Variants in CPPED1 observed in about 807,000 individuals in gnomAD.
CPPED1 encodes the protein calcineurin like phosphoesterase domain containing 1, also known as serine/threonine-protein phosphatase CPPED1.
A neutral mutation model predicts 28.0 loss-of-function variants in CPPED1; 28 were observed. The ratio of observed to expected loss-of-function variants is 1.00; its 90% CI spans 0.74 to 1.37. CPPED1 has a LOEUF of 1.37. CPPED1 is among the 40% of genes most tolerant of loss of function. The probability of loss-of-function intolerance (pLI) is 0.00; values close to 1 mark genes in which losing one functional copy is unlikely to be tolerated. For missense variants in CPPED1, 504 were observed against 416.5 expected, an observed-to-expected ratio of 1.21 and a Z score of -1.83; for synonymous variants, 198 against 180.2, an observed-to-expected ratio of 1.10 and a Z score of -0.79.
Position 12,692,099 on chromosome 16 carries a change from C to T in CPPED1, c.715+12525G>A, listed in dbSNP as rs541843348. 4.6e-5 allele frequency among the ~76,000 whole-genome samples: 7 copies of T among 152,238 alleles called. 1 individual carries two copies. The South Asian group carries it at 1.2e-3, about 27-fold the overall frequency. ...GAACTCCTGACCTCAAGTGATCTGC[C>T]TGCCTCGGCCTCCCAAAGTGCTAGG... is the stretch of plus-strand genomic sequence containing the variant. On this transcript the variant is annotated intron_variant, in intron 3 of 3. Coordinates refer to ENST00000381774, the MANE Select transcript of CPPED1 (RefSeq NM_018340.3).
intron 2 of CPPED1, among the ~76,000 whole-genome samples, chr16:12,759,077 C>T (rs746789655): frequency 6.9e-5 from 10 of 145,208 alleles, no homozygotes; most frequent in Non-Finnish European, 1.5e-4. Flanking sequence ...GTAGCAGGAT[C>T]ACTTGAGCCC....
chr16:12,741,084 G>A (rs1306117831), intron 2 of CPPED1, among the ~76,000 whole-genome samples: 4 of 152,224 alleles, frequency 2.6e-5, no homozygotes, highest in East Asian at 1.9e-4. Context: ...AAAACTGCCC[G>A]ACATAGCAAT....
At chr16:12,719,385 C>T (rs1406308984) in intron 2 of CPPED1, among the ~76,000 whole-genome samples, 12 of 145,740 alleles carry the variant, frequency 8.2e-5, no homozygotes, top group East Asian at 2.0e-4. Flanking sequence ...AGCGAGACTG[C>T]GTCTCAAAAA....
At chr16:12,725,847 T>G (rs1332780095) in intron 2 of CPPED1, among the ~76,000 whole-genome samples, 3 of 152,170 alleles carry the variant, frequency 2.0e-5, no homozygotes, top group Non-Finnish European at 4.4e-5. Flanking sequence ...CCTCTGTCAC[T>G]TTGACACCAC....
At chr16:12,720,905 T>C (rs2080136582) in intron 2 of CPPED1, among the ~76,000 whole-genome samples, 1 of 152,234 alleles carries the variant, frequency 6.6e-6, no homozygotes, top group East Asian at 1.9e-4. Flanking sequence ...TTAAACTGTT[T>C]TGGCATGGGG....
intron 2 of CPPED1, among the ~76,000 whole-genome samples, chr16:12,754,188 T>C (rs996690565): frequency 2.6e-5 from 4 of 152,134 alleles, no homozygotes; most frequent in Non-Finnish European, 4.4e-5. Flanking sequence ...ACCCACCCAT[T>C]TGAGGGTTTA....
At chr16:12,698,966 G>C (rs2080006396) in intron 3 of CPPED1, among the ~76,000 whole-genome samples, 1 of 152,134 alleles carries the variant, frequency 6.6e-6, no homozygotes, top group Non-Finnish European at 1.5e-5. Context: ...AAGGTATCGA[G>C]ACATCAAGGG....
At chr16:12,802,785 G>A (rs1163175091) in intron 1 of CPPED1, among the ~76,000 whole-genome samples, 1 of 152,194 alleles carries the variant, frequency 6.6e-6, no homozygotes, top group Non-Finnish European at 1.5e-5. Context: ...GGGAAAGAAC[G>A]GCCTTGGCCC....
At chr16:12,739,378 A>T (rs1316227870) in intron 2 of CPPED1, among the ~76,000 whole-genome samples, 2 of 152,046 alleles carry the variant, frequency 1.3e-5, no homozygotes, top group Admixed American at 6.5e-5. Flanking sequence ...TCAGGAGTTC[A>T]AGACCAGGTT....
intron 2 of CPPED1, among the ~76,000 whole-genome samples, chr16:12,752,723 G>A (rs1324188480): frequency 6.8e-6 from 1 of 147,048 alleles, no homozygotes; most frequent in African/African-American, 2.5e-5. Flanking sequence ...AAAATGAAGT[G>A]CTTTCAAAAA....
intron 1 of CPPED1, among the ~76,000 whole-genome samples, chr16:12,787,045 C>A (rs570527012): frequency 6.6e-6 from 1 of 152,250 alleles, no homozygotes; most frequent in Admixed American, 6.5e-5. Flanking sequence ...CCCATACGTA[C>A]ACACACACAT....
intron 2 of CPPED1, among the ~76,000 whole-genome samples, chr16:12,710,739 C>T (rs1178455811): frequency 6.6e-6 from 1 of 152,082 alleles, no homozygotes; most frequent in Non-Finnish European, 1.5e-5. Context: ...TAAAAAGGTG[C>T]CCAACACGAC....
intron 2 of CPPED1, among the ~76,000 whole-genome samples, chr16:12,731,155 A>AT (rs36018134): frequency 0.051 from 7,026 of 136,966 alleles, 589 homozygotes; most frequent in African/African-American, 0.18. Context: ...AAAAAAAAAA[A>AT]TTTTTTTTTT....
rs2079813223 is a variant in CPPED1 at position 12,664,393 on chromosome 16, C to G, written c.*493G>C. 5 of 1,006,208 alleles carry G rather than the reference C, an allele frequency of 5.0e-6. No individual in the cohort carries two copies. Among genetic ancestry groups the G allele is most frequent in the Non-Finnish European group, 5.9e-6 (5 of 844,458 alleles). The allele number at this position is 1,006,208 out of a possible 1,614,324, so 62.3% of individuals were successfully genotyped here. On this transcript the variant is annotated 3_prime_UTR_variant, in exon 4 of 4. Transcript: ENST00000381774. The surrounding 1 kb of genome is among the most constrained non-coding windows in gnomAD (Gnocchi z 4.2). ...TGCATGGCTCTCACAACAAGGGAGA[C>G]AGCTGTTCGTTCCGCTGGAAAGGAA...
intron 1 of CPPED1, among the ~76,000 whole-genome samples, chr16:12,793,122 T>G (rs1223531956): frequency 6.6e-6 from 1 of 152,176 alleles, no homozygotes; most frequent in Admixed American, 6.5e-5. Context: ...GGTTGGACAT[T>G]CAACAGTGAG....
chr16:12,790,912 C>G (rs2080592198), intron 1 of CPPED1, among the ~76,000 whole-genome samples: 1 of 108,836 alleles, frequency 9.2e-6, no homozygotes, highest in Admixed American at 1.2e-4. Context: ...GAGCAAGACT[C>G]TATCTCAAAA....
rs1371435756 is a variant in CPPED1 at position 12,662,278 on chromosome 16, T to G, written c.*2608A>C. 1 of 152,240 alleles carries G rather than the reference T, an allele frequency of 6.6e-6. No individual in the cohort carries two copies. Among genetic ancestry groups the G allele is most frequent in the Non-Finnish European group, 1.5e-5 (1 of 68,036 alleles). The allele number at this position is 152,240 out of a possible 1,614,324, so 9.4% of individuals were successfully genotyped here. On this transcript the variant is annotated 3_prime_UTR_variant, in exon 4 of 4. Transcript: ENST00000381774. ...GGCCCATCAGAATGATAGATGCTTA[T>G]CTACAAAAACATTTCCTGACTTCTT...
chr16:12,664,406 C>T lies in CPPED1; in HGVS notation c.*480G>A, dbSNP rs538928641. The T allele has an allele frequency of 6.1e-5, 61 of 1,007,134 alleles. No homozygotes were observed. Among genetic ancestry groups the T allele is most frequent in the East Asian group, 3.3e-4 (3 of 8,970 alleles). The allele number at this position is 1,007,134 out of a possible 1,614,324, so 62.4% of individuals were successfully genotyped here. A position where few individuals can be genotyped will look rare whatever the true frequency, so the allele number is the denominator to read the frequency against. On this transcript the variant is annotated 3_prime_UTR_variant, in exon 4 of 4. Transcript: ENST00000381774. This position sits in a 1 kb window ranked among gnomAD's most constrained non-coding sequence, Gnocchi z 4.2. Reference sequence around the variant, plus strand: ...CAACAAGGGAGACAGCTGTTCGTTCCGCTGGAAAGGAAAGGAGATGAACTT... The same window carrying T: ...CAACAAGGGAGACAGCTGTTCGTTCTGCTGGAAAGGAAAGGAGATGAACTT...
intron 2 of CPPED1, among the ~76,000 whole-genome samples, chr16:12,738,009 G>C (rs1185414928): frequency 1.3e-5 from 2 of 152,192 alleles, no homozygotes; most frequent in African/African-American, 4.8e-5. Context: ...GGGATAAGTG[G>C]TTAACACGGT....
Sources: allele counts gnomAD v4.1 joint callset (sites outside exome capture counted in the v4.1 genomes callset), GRCh38; gene constraint gnomAD v4.1.1; non-coding constraint Gnocchi (gnomAD v3.1); transcripts MANE v1.5; gene names NCBI Gene and HGNC (gene_info 2026-07-23, HGNC 2026-07-21).